Variants in DNMT3A observed in about 807,000 individuals in gnomAD.
The protein encoded by DNMT3A is DNA methyltransferase 3 alpha.
A neutral mutation model predicts 117.6 loss-of-function variants in DNMT3A; 267 were observed. The observed-to-expected ratio is 2.27, with a 90% confidence interval of 2.05 to 2.51. DNMT3A has a LOEUF of 2.51. Among genes scored for constraint, DNMT3A ranks in the 30% most tolerant of loss-of-function variants. The pLI is 0.00. For missense variants in DNMT3A, 1,029 were observed against 1,260.2 expected, an observed-to-expected ratio of 0.82 and a Z score of 2.78; for synonymous variants, 432 against 474.8, an observed-to-expected ratio of 0.91 and a Z score of 1.17.
At chr2:25,328,205 G>A (rs181945569) in intron 1 of DNMT3A, among the ~76,000 whole-genome samples, 298 of 152,324 alleles carry the variant, frequency 2.0e-3, no homozygotes, top group African/African-American at 7.0e-3. Context: ...ATATCTTAAA[G>A]CTATTATTTT....
In DNMT3A at chr2:25,255,717, CATT is replaced by C. The variant is rs1438466910; in HGVS notation, c.640-7468_640-7466del. Among the ~76,000 whole-genome samples the C allele has an allele frequency of 2.6e-5, 4 of 152,316 alleles. No individual in the cohort carries two copies. In the East Asian group the frequency reaches 7.7e-4, roughly 29 times the overall value. Reference sequence around the variant, plus strand: ...AGTTGCCAGAAAACAGCAGGACAAGCATTATGATTTGTGTGGCAAGGACATGTC... The same window carrying C: ...AGTTGCCAGAAAACAGCAGGACAAGCATGATTTGTGTGGCAAGGACATGTC... On this transcript the variant is annotated intron_variant, in intron 6 of 22. Transcript: ENST00000321117.
Position 25,247,105 on chromosome 2 carries a change from CT to C in DNMT3A, c.1067del (p.Gln356ArgfsTer51). 6.2e-7 allele frequency: 1 copy of C among 1,614,130 alleles called. No individual in the cohort carries two copies. Among genetic ancestry groups the C allele is most frequent in the Non-Finnish European group, 8.5e-7 (1 of 1,180,016 alleles). On this transcript the variant is annotated frameshift_variant, in exon 9 of 23. Coordinates refer to ENST00000321117, the MANE Select transcript of DNMT3A (RefSeq NM_022552.5). LOFTEE classifies it high-confidence loss of function. The surrounding 1 kb of genome is among the most constrained non-coding windows in gnomAD (Gnocchi z 5.6). The stretch of plus-strand genomic sequence containing the variant: ...ACATGGGCTGCTTGTTGTACGTGGC[CT>C]GGTGGAACGCACTGCAAAACGAGCT... ...PLSSFCSAFH[Q>X]ATYNKQPMYR...
intron 9 of DNMT3A, 21 bp from the exon 10 acceptor site, chr2:25,246,797 G>T (rs780477632): frequency 4.9e-5 from 79 of 1,610,720 alleles, no homozygotes; most frequent in Non-Finnish European, 6.0e-5. Context: ...ACACGCCAGG[G>T]TTGGGGTTGT....
In DNMT3A at chr2:25,281,432, A is replaced by C. The variant is rs1200531058; in HGVS notation, c.448+1009T>G. On this transcript the variant is annotated intron_variant, in intron 4 of 22. Transcript: ENST00000321117. This position sits in a 1 kb window ranked among gnomAD's most constrained non-coding sequence, Gnocchi z 4.8. ...CATCATACATATTTGTCGAATAATA[A>C]ATGAATAAAAGCTTCTTAATAAGTT... 9.6e-7 allele frequency: 1 copy of C among 1,036,286 alleles called. No homozygotes were observed. Among genetic ancestry groups the C allele is most frequent in the African/African-American group, 1.7e-5 (1 of 59,446 alleles). 64.2% of individuals were successfully genotyped at this position (1,036,286 alleles called of 1,614,324 possible).
chr2:25,275,920 G>A (rs892066439), intron 4 of DNMT3A, among the ~76,000 whole-genome samples: 1 of 152,132 alleles, frequency 6.6e-6, no homozygotes, highest in Non-Finnish European at 1.5e-5. Context: ...GGAGGAGCAG[G>A]AAGGCAGAGG....
At position 25,281,857 on chromosome 2, in the gene DNMT3A, C is replaced by G; in HGVS notation, c.448+584G>C. ...GTACACAGAATACAATCACCCAGCC[C>G]TCTCCCCACGCCACTGTCACAACCA... is the stretch of plus-strand genomic sequence containing the variant. On this transcript the variant is annotated intron_variant, in intron 4 of 22. Transcript: ENST00000321117. This position sits in a 1 kb window ranked among gnomAD's most constrained non-coding sequence, Gnocchi z 4.8. 9.4e-7 allele frequency: 1 copy of G among 1,069,368 alleles called. No homozygotes were observed. The highest frequency in any genetic ancestry group is 4.5e-5 in the South Asian group (1 of 22,288). 66.2% of individuals were successfully genotyped at this position (1,069,368 alleles called of 1,614,324 possible).
rs768077915 is a variant in DNMT3A at position 25,246,307 on chromosome 2, C to T, written c.1282G>A (p.Glu428Lys). The T allele has an allele frequency of 6.3e-7, 1 of 1,598,852 alleles. No homozygotes were observed. Among genetic ancestry groups the T allele is most frequent in the South Asian group, 1.1e-5 (1 of 89,276 alleles). The change falls in exon 11 of 23, where the codon GAG becomes AAG. Residue 428 changes from glutamate (E) to lysine (K), a missense_variant and splice_region_variant. Coordinates refer to ENST00000321117, the MANE Select transcript of DNMT3A (RefSeq NM_022552.5). ...TACACTTCTTTGTAGGGATTCTTCT[C>T]TTCTGGAGGAGGAAAGCAGGTGCCA... ...GPKGLEPPEE[E>K]KNPYKEVYTD...
chr2:25,300,179 C>T lies in DNMT3A; in HGVS notation c.137G>A (p.Arg46Gln), dbSNP rs1573454800. The T allele has an allele frequency of 9.3e-6, 15 of 1,613,160 alleles. No individual in the cohort carries two copies. The highest frequency in any genetic ancestry group is 2.2e-5 in the East Asian group (1 of 44,868). Residue 46 changes from arginine (R) to glutamine (Q), a missense_variant, in exon 3 of 23, where the codon CGG becomes CAG. Physicochemically the swap from Arg to Gln is conservative, Grantham distance 43. Coordinates refer to ENST00000321117, the MANE Select transcript of DNMT3A (RefSeq NM_022552.5). ...CTTCCTCCCAGGCCGCCCCACCTTC[C>T]GTGCCGTGGTGCTGGGCTCTTGGCG... The part of the protein sequence containing the change: ...EERQEPSTTA[R>Q]KVGRPGRKRK...
At chr2:25,241,056 C>T (rs959554721) in intron 17 of DNMT3A, among the ~76,000 whole-genome samples, 1 of 152,176 alleles carries the variant, frequency 6.6e-6, no homozygotes, top group Non-Finnish European at 1.5e-5. Flanking sequence ...GGTGTCTGGG[C>T]CATGTGAATG....
Position 25,236,862 on chromosome 2 carries a change from TG to T in DNMT3A, c.2478+73del. 6.7e-7 allele frequency: 1 copy of T among 1,488,600 alleles called. No homozygotes were observed. Among genetic ancestry groups the T allele is most frequent in the Non-Finnish European group, 9.2e-7 (1 of 1,092,086 alleles). The allele number at this position is 1,488,600 out of a possible 1,614,324, so 92.2% of individuals were successfully genotyped here. A position where few individuals can be genotyped will look rare whatever the true frequency, so the allele number is the denominator to read the frequency against. On this transcript the variant is annotated intron_variant, in intron 21 of 22. Transcript: ENST00000321117. This position sits in a 1 kb window ranked among gnomAD's most constrained non-coding sequence, Gnocchi z 4.5. The stretch of plus-strand genomic sequence containing the variant: ...TGGAGAAGCAGGCGGGACAAGGCCC[TG>T]GCCACCGCTCCACCTCATCCTGCCC...
In DNMT3A at chr2:25,306,377, A is replaced by G. The variant is rs577620109; in HGVS notation, c.73-6134T>C. Reference sequence around the variant, plus strand: ...CAGCCCTTTATTTCAATTATTCAACAATATCCGACAAGTAACCATTGACTG... The same window carrying G: ...CAGCCCTTTATTTCAATTATTCAACGATATCCGACAAGTAACCATTGACTG... On this transcript the variant is annotated intron_variant, in intron 2 of 22. Transcript: ENST00000321117. The surrounding 1 kb of genome is among the most constrained non-coding windows in gnomAD (Gnocchi z 4.1). Among the ~76,000 whole-genome samples the G allele has an allele frequency of 1.3e-5, 2 of 152,218 alleles. No individual in the cohort carries two copies. Among genetic ancestry groups the G allele is most frequent in the South Asian group, 4.2e-4 (2 of 4,818 alleles).
At position 25,247,386 on chromosome 2, in the gene DNMT3A, TA is replaced by T; in HGVS notation, c.1014+204del. 2.2e-6 allele frequency: 2 copies of T among 893,132 alleles called. No homozygotes were observed. The highest frequency in any genetic ancestry group is 1.7e-5 in the African/African-American group (1 of 59,264). 55.3% of individuals were successfully genotyped at this position (893,132 alleles called of 1,614,324 possible). On this transcript the variant is annotated intron_variant, in intron 8 of 22. Coordinates refer to ENST00000321117, the MANE Select transcript of DNMT3A (RefSeq NM_022552.5). The surrounding 1 kb of genome is among the most constrained non-coding windows in gnomAD (Gnocchi z 5.6). ...TCTAGTGAATAGGTTCCTGGAAGGC[TA>T]AAACTGGGCCAGCATCCTAGCTCTC...
chr2:25,259,858 C>T (rs773946925), intron 6 of DNMT3A, among the ~76,000 whole-genome samples: 55 of 152,314 alleles, frequency 3.6e-4, no homozygotes, highest in Non-Finnish European at 2.1e-4. Context: ...ACAGGCACTG[C>T]GGTAACTATT....
intron 6 of DNMT3A, among the ~76,000 whole-genome samples, chr2:25,262,394 A>G (rs1240467338): frequency 6.6e-6 from 1 of 152,206 alleles, no homozygotes; most frequent in Non-Finnish European, 1.5e-5. Flanking sequence ...GACTTTATTA[A>G]AAACTTCTGC....
intron 19 of DNMT3A, chr2:25,239,509 T>C (rs1673737202): frequency 1.7e-6 from 1 of 578,668 alleles, no homozygotes; most frequent in Non-Finnish European, 3.4e-6. Context: ...GTGGCTATTT[T>C]GTACCTAAAA....
intron 2 of DNMT3A, among the ~76,000 whole-genome samples, chr2:25,313,560 G>A (rs1341895273): frequency 6.6e-6 from 1 of 152,202 alleles, no homozygotes; most frequent in East Asian, 1.9e-4. Flanking sequence ...AGTGATTCAC[G>A]TGAAGGCCCA....
chr2:25,330,093 G>A (rs2034959211), intron 1 of DNMT3A, among the ~76,000 whole-genome samples: 1 of 152,224 alleles, frequency 6.6e-6, no homozygotes, highest in South Asian at 2.1e-4. Flanking sequence ...AACTTGGTTT[G>A]CCTCTGCAAA....
In DNMT3A at chr2:25,286,519, A is replaced by G. The variant is rs1264950257; in HGVS notation, c.178-3808T>C. 6.6e-6 allele frequency among the ~76,000 whole-genome samples: 1 copy of G among 152,166 alleles called. No individual in the cohort carries two copies. The highest frequency in any genetic ancestry group is 2.4e-5 in the African/African-American group (1 of 41,434). On this transcript the variant is annotated intron_variant, in intron 3 of 22. Transcript: ENST00000321117. The surrounding 1 kb of genome is among the most constrained non-coding windows in gnomAD (Gnocchi z 4.3). ...CACCTGCTCTCTCAGGTTCTGGATG[A>G]GATGATTCAGCCAAAGTTCTGGGAT...
rs1558646410 is a variant in DNMT3A, at chr2:25,229,839, A to ACAT, written c.*4437_*4439dup. On this transcript the variant is annotated 3_prime_UTR_variant, in exon 23 of 23. Transcript: ENST00000321117. ...GAATGACTGCAGTTTTCCTATAAGA[A>ACAT]CATCTCCCAGATGGCTCTGCTGAAA... is the stretch of plus-strand genomic sequence containing the variant. 1 of 152,342 alleles carries ACAT rather than the reference A, an allele frequency of 6.6e-6. No homozygotes were observed. Among genetic ancestry groups the ACAT allele is most frequent in the Non-Finnish European group, 1.5e-5 (1 of 68,030 alleles). The allele number at this position is 152,342 out of a possible 1,614,324, so 9.4% of individuals were successfully genotyped here. A position where few individuals can be genotyped will look rare whatever the true frequency, so the allele number is the denominator to read the frequency against.
Sources: allele counts gnomAD v4.1 joint callset (sites outside exome capture counted in the v4.1 genomes callset), GRCh38; gene constraint gnomAD v4.1.1; non-coding constraint Gnocchi (gnomAD v3.1); transcripts MANE v1.5; gene names NCBI Gene and HGNC (gene_info 2026-07-23, HGNC 2026-07-21).